WWC1: variants seen among roughly 807,000 people sequenced by gnomAD.
WWC1 encodes WW and C2 domain containing 1, also known as protein KIBRA.
Under a neutral mutation model 138.4 loss-of-function variants are expected in WWC1, and 55 were observed. That is an observed-to-expected ratio of 0.40 (90% CI 0.32 to 0.50). The LOEUF (loss-of-function observed/expected upper bound fraction) is 0.50. Among genes scored for constraint, WWC1 ranks in the 20% least tolerant of loss-of-function variants. The pLI is 0.72. For synonymous variants in WWC1, 524 were observed against 564.9 expected, an observed-to-expected ratio of 0.93 and a Z score of 1.03; for missense variants, 1,226 against 1,420.4, an observed-to-expected ratio of 0.86 and a Z score of 2.20.
chr5:168,383,156 G>A (rs1456938048), intron 2 of WWC1, among the ~76,000 whole-genome samples: 3 of 145,564 alleles, frequency 2.1e-5, no homozygotes, highest in South Asian at 4.3e-4. Context: ...CAGCCTGGGA[G>A]ACAGAGCAAG....
At chr5:168,379,223 T>C (rs1777440402) in intron 2 of WWC1, among the ~76,000 whole-genome samples, 1 of 152,198 alleles carries the variant, frequency 6.6e-6, no homozygotes, top group Admixed American at 6.5e-5. Context: ...TACTTTTAAT[T>C]AAAACAAGAA....
In WWC1 at chr5:168,423,822, C is replaced by G; in HGVS notation, c.1564C>G (p.Arg522Gly). 1.2e-6 allele frequency: 2 copies of G among 1,614,150 alleles called. No homozygotes were observed. Among genetic ancestry groups the G allele is most frequent in the Non-Finnish European group, 1.7e-6 (2 of 1,180,018 alleles). The change falls in exon 11 of 23, where the codon CGT becomes GGT. Residue 522 changes from arginine to glycine, a missense_variant. Coordinates refer to ENST00000265293, the MANE Select transcript of WWC1 (RefSeq NM_015238.3). Reference sequence around the variant, plus strand: ...GGGAGGTGGCCGCCTGCAGGCTCTGCGTTCCCTGTCTGGCACCCCAAAGTC... The same window carrying G: ...GGGAGGTGGCCGCCTGCAGGCTCTGGGTTCCCTGTCTGGCACCCCAAAGTC... ...AEGGGRLQALRSLSGTPKSMT... is the reference protein window; with the variant it reads ...AEGGGRLQALGSLSGTPKSMT...
At chr5:168,378,947 T>C (rs369039098) in intron 2 of WWC1, among the ~76,000 whole-genome samples, 3 of 152,032 alleles carry the variant, frequency 2.0e-5, no homozygotes, top group African/African-American at 7.2e-5. Flanking sequence ...AAAACAGGTG[T>C]GTGGCAAGTG....
intron 1 of WWC1, among the ~76,000 whole-genome samples, chr5:168,361,708 G>A (rs1775893525): frequency 6.6e-6 from 1 of 152,164 alleles, no homozygotes; most frequent in African/African-American, 2.4e-5. Context: ...TTCCTCATTG[G>A]TAAAGAAAGG....
chr5:168,318,135 T>C (rs1198096090), intron 1 of WWC1, among the ~76,000 whole-genome samples: 8 of 152,102 alleles, frequency 5.3e-5, no homozygotes. Flanking sequence ...GGCCTGCAGA[T>C]CATGGAAAGT....
At chr5:168,464,285 G>A (rs1023627024) in intron 20 of WWC1, among the ~76,000 whole-genome samples, 3 of 152,196 alleles carry the variant, frequency 2.0e-5, no homozygotes, top group Non-Finnish European at 4.4e-5. Context: ...CTTCAGAACA[G>A]TACAGTGACA....
intron 9 of WWC1, among the ~76,000 whole-genome samples, chr5:168,421,168 C>T (rs1171661159): frequency 6.6e-6 from 1 of 152,192 alleles, no homozygotes; most frequent in Non-Finnish European, 1.5e-5. Flanking sequence ...GACGCCTCCC[C>T]TTTGAGTCCA....
intron 1 of WWC1, among the ~76,000 whole-genome samples, chr5:168,324,283 A>T (rs1772355014): frequency 6.6e-6 from 1 of 152,096 alleles, no homozygotes; most frequent in Non-Finnish European, 1.5e-5. Context: ...AAAGTACAAA[A>T]ATTAGCCAGG....
Position 168,406,274 on chromosome 5 carries a change from G to A in WWC1, c.667G>A (p.Ala223Thr). 1 of 1,614,118 alleles carries A rather than the reference G, an allele frequency of 6.2e-7. No individual in the cohort carries two copies. Among genetic ancestry groups the A allele is most frequent in the Non-Finnish European group, 8.5e-7 (1 of 1,179,986 alleles). ...EAQAVLRETK[A>T]IKKAITCGEK... is the part of the protein sequence containing the mutation. ...TCAGGCTGTCTTGAGAGAAACAAAA[G>A]CCATCAAAAAGGCTATTACCTGTGG... is the stretch of plus-strand genomic sequence containing the variant. Residue 223 changes from alanine to threonine, a missense_variant, in exon 6 of 23, where the codon GCC (alanine) becomes ACC (threonine). Physicochemically the swap from Ala to Thr is moderately conservative, Grantham distance 58. Transcript: ENST00000265293.
intron 15 of WWC1, among the ~76,000 whole-genome samples, chr5:168,435,846 T>G (rs1782308378): frequency 6.6e-6 from 1 of 151,112 alleles, no homozygotes; most frequent in South Asian, 2.1e-4. Flanking sequence ...TCATCTTTCT[T>G]TTTTCTTTTT....
chr5:168,322,427 G>GC, intron 1 of WWC1, among the ~76,000 whole-genome samples: 1 of 152,324 alleles, frequency 6.6e-6, no homozygotes, highest in South Asian at 2.1e-4. Context: ...AACAGGTGTG[G>GC]CTGTGTCTCA....
At chr5:168,311,764 C>G (rs990303719) in intron 1 of WWC1, among the ~76,000 whole-genome samples, 1 of 152,052 alleles carries the variant, frequency 6.6e-6, no homozygotes, top group Non-Finnish European at 1.5e-5. Context: ...GTAGTTCTAG[C>G]TACTCAGGAG....
intron 1 of WWC1, among the ~76,000 whole-genome samples, chr5:168,345,503 T>C (rs903168935): frequency 3.9e-5 from 6 of 152,208 alleles, no homozygotes; most frequent in African/African-American, 1.2e-4. Context: ...TTGGGTGTGA[T>C]TGAGTAGTTA....
chr5:168,294,368 G>A (rs1769334447), intron 1 of WWC1, among the ~76,000 whole-genome samples: 2 of 151,932 alleles, frequency 1.3e-5, no homozygotes. Flanking sequence ...TCACAAATGG[G>A]AAACTAGTTA....
At chr5:168,344,857 A>G (rs1000813481) in intron 1 of WWC1, among the ~76,000 whole-genome samples, 2 of 152,232 alleles carry the variant, frequency 1.3e-5, no homozygotes, top group African/African-American at 4.8e-5. Context: ...GAAACTAAAA[A>G]TTTTAAAGTA....
Position 168,469,056 on chromosome 5 carries a change from T to C in WWC1, c.*39T>C. 4 of 1,610,364 alleles carry C rather than the reference T, an allele frequency of 2.5e-6. No individual in the cohort carries two copies. The highest frequency in any genetic ancestry group is 3.4e-6 in the Non-Finnish European group (4 of 1,176,540). On this transcript the variant is annotated 3_prime_UTR_variant, in exon 23 of 23. Coordinates refer to ENST00000265293, the MANE Select transcript of WWC1 (RefSeq NM_015238.3). ...ATTTCCTTTGTTCCACTGACCAGGC[T>C]GTGAACATTGACTGTGGCTAAAGTT... is the stretch of plus-strand genomic sequence containing the variant.
rs1366724087 is a variant in WWC1, at chr5:168,471,212, G to A, written c.*2195G>A. The A allele has an allele frequency of 6.6e-6, 1 of 152,456 alleles. No homozygotes were observed. The highest frequency in any genetic ancestry group is 1.5e-5 in the Non-Finnish European group (1 of 68,278). 9.4% of individuals were successfully genotyped at this position (152,456 alleles called of 1,614,324 possible). ...TCATGTATAAGGAACCTATAGTGGTGTAGAATCTACTCTTCTTCCCCCTGT... is the reference window on the plus strand; with the variant it reads ...TCATGTATAAGGAACCTATAGTGGTATAGAATCTACTCTTCTTCCCCCTGT... On this transcript the variant is annotated 3_prime_UTR_variant, in exon 23 of 23. Coordinates refer to ENST00000265293, the MANE Select transcript of WWC1 (RefSeq NM_015238.3).
intron 2 of WWC1, among the ~76,000 whole-genome samples, chr5:168,384,326 C>T (rs1777873744): frequency 6.6e-6 from 1 of 152,158 alleles, no homozygotes; most frequent in Admixed American, 6.5e-5. Flanking sequence ...GAATCAATGA[C>T]ATGTGCTTGC....
chr5:168,303,971 AC>A (rs1770319868), intron 1 of WWC1, among the ~76,000 whole-genome samples: 1 of 152,112 alleles, frequency 6.6e-6, no homozygotes, highest in Non-Finnish European at 1.5e-5. Flanking sequence ...AGCTTTACAT[AC>A]CTTTGTCACT....
Sources: allele counts gnomAD v4.1 joint callset (sites outside exome capture counted in the v4.1 genomes callset), GRCh38; gene constraint gnomAD v4.1.1; transcripts MANE v1.5; gene names NCBI Gene and HGNC (gene_info 2026-07-23, HGNC 2026-07-21).